DPP10: variants seen among roughly 807,000 people sequenced by gnomAD.
The protein encoded by DPP10 is inactive dipeptidyl peptidase 10.
In DPP10, 33 loss-of-function variants were observed where a neutral mutation model predicts 120.9. The ratio of observed to expected loss-of-function variants is 0.27; its 90% CI spans 0.21 to 0.37. The LOEUF (loss-of-function observed/expected upper bound fraction) is 0.37, where lower values mean the gene tolerates loss of function less well. Ranked by LOEUF, DPP10 falls within the 10% of genes least tolerant of loss-of-function variation. DPP10 has a pLI of 1.00. For missense variants in DPP10, 816 were observed against 942.8 expected, an observed-to-expected ratio of 0.87 and a Z score of 1.76; for synonymous variants, 337 against 326.1, an observed-to-expected ratio of 1.03 and a Z score of -0.36.
At position 114,497,166 on chromosome 2, in the gene DPP10, C is replaced by T. The variant is rs149993191; in HGVS notation, c.60+54328C>T. Reference sequence around the variant, plus strand: ...ACACGTGTATACATGTAGGTGTACACGTGTATACATGTGTACGTGTATACA... The same window carrying T: ...ACACGTGTATACATGTAGGTGTACATGTGTATACATGTGTACGTGTATACA... On this transcript the variant is annotated intron_variant, in intron 1 of 25. Coordinates refer to ENST00000410059, the MANE Select transcript of DPP10 (RefSeq NM_020868.6). Among the ~76,000 whole-genome samples, 219 of 147,926 alleles carry T rather than the reference C, an allele frequency of 1.5e-3. 2 individuals are homozygous for T. The highest frequency in any genetic ancestry group is 5.3e-3 in the African/African-American group (209 of 39,562).
At chr2:115,162,033 G>A in intron 1 of DPP10, 1 of 1,412,908 alleles carries the variant, frequency 7.1e-7, no homozygotes, top group Non-Finnish European at 9.2e-7. Context: ...GACCAGGTGA[G>A]AGTCGGCAGC....
At chr2:115,495,770 A>C (rs368812119) in intron 3 of DPP10, among the ~76,000 whole-genome samples, 1 of 152,184 alleles carries the variant, frequency 6.6e-6, no homozygotes, top group Non-Finnish European at 1.5e-5. Context: ...TAGTGATTCT[A>C]TTCTGCCATA....
At chr2:115,628,085 A>G (rs67803633) in intron 5 of DPP10, among the ~76,000 whole-genome samples, 34,483 of 152,044 alleles carry the variant, frequency 0.23, 4,384 homozygotes, top group East Asian at 0.39. Context: ...AGGTCTTTGA[A>G]GAATTGCCAT....
chr2:114,543,146 T>C (rs1687083991), intron 1 of DPP10, among the ~76,000 whole-genome samples: 1 of 152,260 alleles, frequency 6.6e-6, no homozygotes, highest in Admixed American at 6.5e-5. Context: ...GTATTAATTG[T>C]TAAAATTCAC....
At chr2:114,477,830 T>C (rs1293080103) in intron 1 of DPP10, among the ~76,000 whole-genome samples, 2 of 90,908 alleles carry the variant, frequency 2.2e-5, no homozygotes, top group African/African-American at 5.6e-5. Flanking sequence ...TATATATGTA[T>C]GTACATAAAT....
intron 3 of DPP10, among the ~76,000 whole-genome samples, chr2:115,437,394 C>G (rs1219492647): frequency 1.3e-5 from 2 of 152,028 alleles, no homozygotes; most frequent in Non-Finnish European, 2.9e-5. Flanking sequence ...AGTGCTCCAT[C>G]TCATCTCATG....
intron 1 of DPP10, among the ~76,000 whole-genome samples, chr2:115,133,135 GTGTGTGTGTGTATATA>G (rs1459346697): frequency 4.7e-5 from 3 of 64,148 alleles, no homozygotes; most frequent in African/African-American, 2.3e-4. Context: ...GTGTGTGTGT[GTGTGTGTGTGTATATA>G]TATATATATA....
intron 1 of DPP10, among the ~76,000 whole-genome samples, chr2:114,902,678 T>C (rs1041402331): frequency 6.6e-6 from 1 of 152,192 alleles, no homozygotes; most frequent in Admixed American, 6.5e-5. Context: ...TACAGCAAAA[T>C]TAAGAAAGTA....
At chr2:115,801,125 T>C (rs2149970246) in intron 19 of DPP10, among the ~76,000 whole-genome samples, 1 of 152,122 alleles carries the variant, frequency 6.6e-6, no homozygotes, top group Admixed American at 6.5e-5. Context: ...CAGTGGTTTG[T>C]AGTTCTCCTT....
intron 1 of DPP10, among the ~76,000 whole-genome samples, chr2:115,305,942 A>G (rs1325091514): frequency 1.3e-5 from 2 of 152,070 alleles, no homozygotes; most frequent in Admixed American, 6.6e-5. Flanking sequence ...GAGAAAGAGT[A>G]CAAGTATATT....
At chr2:115,540,166 A>G (rs1322835120) in intron 5 of DPP10, among the ~76,000 whole-genome samples, 1 of 151,946 alleles carries the variant, frequency 6.6e-6, no homozygotes, top group African/African-American at 2.4e-5. Context: ...TGGTCAAAAC[A>G]TTTATACTTT....
At chr2:115,665,971 G>A (rs904926766) in intron 5 of DPP10, among the ~76,000 whole-genome samples, 12 of 151,750 alleles carry the variant, frequency 7.9e-5, no homozygotes, top group African/African-American at 2.9e-4. Context: ...CAGGAGTTTG[G>A]CATATAGATT....
chr2:115,479,996 C>T lies in DPP10; in HGVS notation c.272-19514C>T, dbSNP rs377181992. On this transcript the variant is annotated intron_variant, in intron 3 of 25. Coordinates refer to ENST00000410059, the MANE Select transcript of DPP10 (RefSeq NM_020868.6). Reference sequence around the variant, plus strand: ...CCTAATAGAACAAATTCTGATAGTACGAGGAATGTTGAGAGCTACCCCTTC... The same window carrying T: ...CCTAATAGAACAAATTCTGATAGTATGAGGAATGTTGAGAGCTACCCCTTC... Among the ~76,000 whole-genome samples the T allele has an allele frequency of 1.5e-4, 23 of 152,174 alleles. No homozygotes were observed. In the East Asian group the frequency reaches 3.1e-3, roughly 21 times the overall value.
At chr2:114,953,241 A>G (rs1342371851) in intron 1 of DPP10, among the ~76,000 whole-genome samples, 1 of 152,206 alleles carries the variant, frequency 6.6e-6, no homozygotes, top group Non-Finnish European at 1.5e-5. Context: ...TCTGCGCTAT[A>G]GAACCATTAG....
intron 5 of DPP10, among the ~76,000 whole-genome samples, chr2:115,589,415 T>C (rs2082488124): frequency 1.3e-5 from 2 of 152,220 alleles, no homozygotes; most frequent in Admixed American, 1.3e-4. Context: ...TAAATGCTGA[T>C]TAAAATTTTA....
intron 1 of DPP10, among the ~76,000 whole-genome samples, chr2:114,838,169 C>T (rs1310189422): frequency 6.6e-6 from 1 of 152,122 alleles, no homozygotes; most frequent in Non-Finnish European, 1.5e-5. Flanking sequence ...AAATCCATTG[C>T]CCTCAATCCA....
At chr2:115,773,238 AAT>A (rs1681690729) in intron 13 of DPP10, among the ~76,000 whole-genome samples, 1 of 152,180 alleles carries the variant, frequency 6.6e-6, no homozygotes, top group Non-Finnish European at 1.5e-5. Flanking sequence ...GTGAACATTT[AAT>A]ATAAGAAATG....
rs371940619 is a variant in DPP10, at chr2:114,749,915, G to A, written c.60+307077G>A. On this transcript the variant is annotated intron_variant, in intron 1 of 25. Transcript: ENST00000410059. ...TTAAGGAAATAATTTAGGCTACAAA[G>A]GAGTATATTTAGTGTGATAAGTTTT... Among the ~76,000 whole-genome samples, 15 of 152,238 alleles carry A rather than the reference G, an allele frequency of 9.9e-5. No individual in the cohort carries two copies. The East Asian group carries it at 1.9e-3, about 20-fold the overall frequency.
intron 5 of DPP10, among the ~76,000 whole-genome samples, chr2:115,595,788 ATTC>A (rs2082952623): frequency 6.6e-6 from 1 of 152,062 alleles, no homozygotes; most frequent in Non-Finnish European, 1.5e-5. Context: ...ATTTAAAACA[ATTC>A]TTATAAACCT....
Sources: gnomAD v4.1 joint callset for allele counts (sites outside exome capture counted in the v4.1 genomes callset) on GRCh38, gnomAD v4.1.1 for gene constraint, MANE v1.5 for transcripts, NCBI Gene and HGNC (gene_info 2026-07-23, HGNC 2026-07-21) for gene names.